RBMS3: variants seen among roughly 807,000 people sequenced by gnomAD.
RBMS3 encodes RNA binding motif single stranded interacting protein 3, also known as RNA-binding motif, single-stranded-interacting protein 3.
RBMS3 carries 27 observed loss-of-function variants against 66.8 expected under a neutral mutation model. The ratio of observed to expected loss-of-function variants is 0.40; its 90% CI spans 0.30 to 0.56. The LOEUF is 0.56. Among genes scored for constraint, RBMS3 ranks in the 20% least tolerant of loss-of-function variants. RBMS3 has a pLI of 0.40. For synonymous variants in RBMS3, 188 were observed against 183.0 expected (o/e 1.03, Z -0.22); for missense variants, 513 against 549.5 (o/e 0.93, Z 0.66).
intron 6 of RBMS3, among the ~76,000 whole-genome samples, chr3:29,833,979 A>G (rs1200872875): frequency 1.3e-5 from 2 of 152,152 alleles, no homozygotes; most frequent in Admixed American, 6.6e-5. Flanking sequence ...TTAGACTATC[A>G]GACAAGAAAT....
At chr3:29,910,809 G>A (rs2060496209) in intron 10 of RBMS3, among the ~76,000 whole-genome samples, 1 of 151,684 alleles carries the variant, frequency 6.6e-6, no homozygotes, top group African/African-American at 2.4e-5. Flanking sequence ...TTTGTGTATG[G>A]CGTGTACGGA....
In RBMS3 at chr3:29,468,667, A is replaced by C. The variant is rs559838074; in HGVS notation, c.249-19774A>C. ...AAATATTTATTGCTTGGATTATTTC[A>C]TACTCTCCTAACTAGTTTATTTCAC... is the stretch of plus-strand genomic sequence containing the variant. On this transcript the variant is annotated intron_variant, in intron 2 of 14. Coordinates refer to ENST00000383767, the MANE Select transcript of RBMS3 (RefSeq NM_001003793.3). 1.8e-3 allele frequency among the ~76,000 whole-genome samples: 279 copies of C among 152,200 alleles called. 1 individual carries two copies. The highest frequency in any genetic ancestry group is 6.3e-3 in the African/African-American group (262 of 41,536).
chr3:29,541,922 A>G (rs886821369), intron 3 of RBMS3, among the ~76,000 whole-genome samples: 1 of 152,020 alleles, frequency 6.6e-6, no homozygotes, highest in Non-Finnish European at 1.5e-5. Flanking sequence ...GGTTCCTCAA[A>G]GGGGTTTTCC....
chr3:29,634,274 G>A (rs551862525), intron 4 of RBMS3, among the ~76,000 whole-genome samples: 142 of 151,962 alleles, frequency 9.3e-4, no homozygotes, highest in African/African-American at 3.3e-3. Context: ...CATACTATGT[G>A]CAATTGTCTG....
intron 4 of RBMS3, among the ~76,000 whole-genome samples, chr3:29,684,444 A>C (rs79684070): frequency 0.033 from 5,000 of 152,262 alleles, 267 homozygotes; most frequent in African/African-American, 0.11. Context: ...AAGTTTTACC[A>C]CATGGCTGTA....
intron 1 of RBMS3, among the ~76,000 whole-genome samples, chr3:29,406,193 A>G (rs2040009887): frequency 6.6e-6 from 1 of 152,178 alleles, no homozygotes; most frequent in Non-Finnish European, 1.5e-5. Flanking sequence ...TTGATGTGTT[A>G]AATGGTTGTG....
At chr3:29,650,540 G>T (rs2050108800) in intron 4 of RBMS3, among the ~76,000 whole-genome samples, 1 of 152,010 alleles carries the variant, frequency 6.6e-6, no homozygotes, top group Non-Finnish European at 1.5e-5. Context: ...TGATCCTCCT[G>T]CCTCGGCCCT....
intron 2 of RBMS3, among the ~76,000 whole-genome samples, chr3:29,477,503 G>T (rs2042987703): frequency 6.6e-6 from 1 of 152,034 alleles, no homozygotes; most frequent in South Asian, 2.1e-4. Flanking sequence ...TGCTCTTGAA[G>T]AACTCATCCT....
intron 10 of RBMS3, among the ~76,000 whole-genome samples, chr3:29,930,930 G>A (rs2061104454): frequency 6.6e-6 from 1 of 152,014 alleles, no homozygotes; most frequent in East Asian, 1.9e-4. Flanking sequence ...ATTTTAACGA[G>A]CAATCTCAAA....
At chr3:29,818,113 G>A (rs1008568286) in intron 6 of RBMS3, among the ~76,000 whole-genome samples, 3 of 152,034 alleles carry the variant, frequency 2.0e-5, no homozygotes, top group African/African-American at 7.2e-5. Context: ...ATTAACCAGT[G>A]TTACATTCGA....
chr3:29,987,443 A>G (rs1270204732), intron 12 of RBMS3, among the ~76,000 whole-genome samples: 3 of 152,174 alleles, frequency 2.0e-5, no homozygotes, highest in Non-Finnish European at 4.4e-5. Context: ...TGACTACTAC[A>G]ACTTAGCAAA....
At chr3:29,800,138 AGG>A (rs2057342338) in intron 6 of RBMS3, among the ~76,000 whole-genome samples, 1 of 152,194 alleles carries the variant, frequency 6.6e-6, no homozygotes, top group African/African-American at 2.4e-5. Flanking sequence ...GATACAGTGC[AGG>A]GAAAAATATT....
At position 29,587,212 on chromosome 3, in the gene RBMS3, T is replaced by A. The variant is rs369245257; in HGVS notation, c.399+7T>A. ...GCAGGCACAGATGGCTAAGGTAAGA[T>A]TGATGTTTAGGGGTGTTTTTTTTTT... On this transcript the variant is annotated splice_region_variant and intron_variant, in intron 4 of 14. Transcript: ENST00000383767. 1.3e-6 allele frequency: 2 copies of A among 1,527,486 alleles called. No homozygotes were observed. Among genetic ancestry groups the A allele is most frequent in the African/African-American group, 2.9e-5 (2 of 69,122 alleles). 94.6% of individuals were successfully genotyped at this position (1,527,486 alleles called of 1,614,324 possible).
At chr3:29,803,105 G>A (rs1049140377) in intron 6 of RBMS3, among the ~76,000 whole-genome samples, 3 of 152,064 alleles carry the variant, frequency 2.0e-5, no homozygotes, top group Non-Finnish European at 4.4e-5. Context: ...GTCCTTCTTG[G>A]GCAAATGAAG....
At chr3:29,435,934 A>T (rs1342624961) in intron 2 of RBMS3, among the ~76,000 whole-genome samples, 1 of 150,318 alleles carries the variant, frequency 6.7e-6, no homozygotes, top group Non-Finnish European at 1.5e-5. Flanking sequence ...AGATCACGCC[A>T]CTGCACTCCA....
chr3:29,940,315 G>T, intron 11 of RBMS3, among the ~76,000 whole-genome samples: 1 of 152,006 alleles, frequency 6.6e-6, no homozygotes, highest in African/African-American at 2.4e-5. Flanking sequence ...ACATTTCAGA[G>T]GATTTCAGAC....
At chr3:29,695,730 T>C (rs1290450345) in intron 4 of RBMS3, among the ~76,000 whole-genome samples, 3 of 152,184 alleles carry the variant, frequency 2.0e-5, no homozygotes, top group African/African-American at 7.2e-5. Context: ...TTCTTTTGAT[T>C]GTTAGGAAAT....
intron 6 of RBMS3, among the ~76,000 whole-genome samples, chr3:29,810,871 T>C (rs557849381): frequency 5.8e-4 from 89 of 152,316 alleles, no homozygotes; most frequent in Non-Finnish European, 1.1e-3. Context: ...TAGACACCAA[T>C]AGAAAACGCA....
At chr3:29,702,968 G>A (rs2052696844) in intron 4 of RBMS3, among the ~76,000 whole-genome samples, 4 of 152,204 alleles carry the variant, frequency 2.6e-5, no homozygotes, top group Admixed American at 2.6e-4. Flanking sequence ...CCCTAGAGTG[G>A]TTAATGATGA....
Sources: allele counts gnomAD v4.1 joint callset (sites outside exome capture counted in the v4.1 genomes callset), GRCh38; gene constraint gnomAD v4.1.1; transcripts MANE v1.5; gene names NCBI Gene and HGNC (gene_info 2026-07-23, HGNC 2026-07-21).